The following DNAJC6 variants were observed in gnomAD, a reference collection of about 807,000 sequenced individuals.
DNAJC6 encodes the protein DnaJ heat shock protein family (Hsp40) member C6.
DNAJC6 carries 34 observed loss-of-function variants against 110.0 expected under a neutral mutation model. The ratio of observed to expected loss-of-function variants is 0.31; its 90% confidence interval spans 0.24 to 0.41. DNAJC6 has a LOEUF of 0.41. DNAJC6 is among the 10% of genes least tolerant of loss of function. DNAJC6 has a pLI of 1.00. For missense variants in DNAJC6, 1,031 were observed against 1,207.8 expected, an observed-to-expected ratio of 0.85 and a Z score of 2.17; for synonymous variants, 406 against 437.2, an observed-to-expected ratio of 0.93 and a Z score of 0.89.
intron 1 of DNAJC6, among the ~76,000 whole-genome samples, chr1:65,303,279 A>G (rs1171783241): frequency 6.6e-6 from 1 of 152,218 alleles, no homozygotes; most frequent in African/African-American, 2.4e-5. Context: ...TTCACCTGCC[A>G]GAGTTGCTCA....
intron 1 of DNAJC6, among the ~76,000 whole-genome samples, chr1:65,277,990 G>T (rs891820079): frequency 1.3e-5 from 2 of 152,104 alleles, no homozygotes; most frequent in African/African-American, 2.4e-5. Context: ...AGTAGGAAGT[G>T]GGGAACAAGG....
At chr1:65,294,660 A>AT in intron 1 of DNAJC6, among the ~76,000 whole-genome samples, 1 of 152,328 alleles carries the variant, frequency 6.6e-6, no homozygotes. Context: ...TATCTTATTG[A>AT]TTACATGTTG....
At chr1:65,302,728 G>T (rs1453241883) in intron 1 of DNAJC6, among the ~76,000 whole-genome samples, 2 of 150,590 alleles carry the variant, frequency 1.3e-5, no homozygotes, top group African/African-American at 2.4e-5. Flanking sequence ...GTAGAGACGG[G>T]GTTTCACCTT....
intron 1 of DNAJC6, among the ~76,000 whole-genome samples, chr1:65,270,608 T>G (rs574314702): frequency 6.6e-6 from 1 of 152,322 alleles, no homozygotes; most frequent in East Asian, 1.9e-4. Context: ...TATAAATCTC[T>G]AAAAGTGATG....
chr1:65,383,761 G>T (rs545922999), intron 5 of DNAJC6, among the ~76,000 whole-genome samples: 1 of 152,258 alleles, frequency 6.6e-6, no homozygotes, highest in South Asian at 2.1e-4. Context: ...ATCTGGTGAA[G>T]GTTCTTTATT....
chr1:65,393,874 G>T (rs1645952528), intron 12 of DNAJC6, among the ~76,000 whole-genome samples: 1 of 152,136 alleles, frequency 6.6e-6, no homozygotes, highest in Non-Finnish European at 1.5e-5. Context: ...ACTTGTGATA[G>T]TTCAGCTGGA....
At chr1:65,332,539 C>T (rs1038734150) in intron 1 of DNAJC6, among the ~76,000 whole-genome samples, 1 of 152,114 alleles carries the variant, frequency 6.6e-6, no homozygotes. Context: ...GCAATGACTC[C>T]CCTCCCCTGA....
intron 1 of DNAJC6, among the ~76,000 whole-genome samples, chr1:65,271,012 CA>C (rs1653487299): frequency 1.3e-5 from 2 of 152,266 alleles, no homozygotes; most frequent in Admixed American, 1.3e-4. Context: ...TATATTCTCT[CA>C]GCAGGACAAT....
At chr1:65,376,312 AT>A (rs1467358607) in intron 4 of DNAJC6, among the ~76,000 whole-genome samples, 5 of 144,012 alleles carry the variant, frequency 3.5e-5, no homozygotes, top group African/African-American at 1.0e-4. Context: ...AGGTTTATTG[AT>A]TTTGTATATT....
intron 1 of DNAJC6, among the ~76,000 whole-genome samples, chr1:65,352,623 G>A (rs754864596): frequency 6.6e-6 from 1 of 152,192 alleles, no homozygotes; most frequent in Non-Finnish European, 1.5e-5. Flanking sequence ...TGTGTGTGTT[G>A]TATGTAGCAC....
chr1:65,311,690 A>T (rs1645103480), intron 1 of DNAJC6, among the ~76,000 whole-genome samples: 1 of 152,214 alleles, frequency 6.6e-6, no homozygotes, highest in Non-Finnish European at 1.5e-5. Context: ...ACATGTAGTG[A>T]GCATGTAAAC....
intron 1 of DNAJC6, among the ~76,000 whole-genome samples, chr1:65,335,599 C>T (rs1361062510): frequency 2.6e-5 from 4 of 152,138 alleles, no homozygotes; most frequent in South Asian, 2.1e-4. Flanking sequence ...GGAGGGAAGC[C>T]GCGTGGCTCA....
chr1:65,303,135 A>AT (rs1645005114), intron 1 of DNAJC6, among the ~76,000 whole-genome samples: 1 of 152,122 alleles, frequency 6.6e-6, no homozygotes, highest in African/African-American at 2.4e-5. Context: ...AACCAGAGCG[A>AT]TTTTTTCTGT....
chr1:65,398,946 G>T, intron 14 of DNAJC6, 65 bp downstream of exon 14: 1 of 1,521,224 alleles, frequency 6.6e-7, no homozygotes, highest in South Asian at 1.1e-5. Context: ...TACCCAAGAT[G>T]AAGTGAGTAC....
At chr1:65,314,808 T>C (rs1645134591) in intron 1 of DNAJC6, among the ~76,000 whole-genome samples, 1 of 152,270 alleles carries the variant, frequency 6.6e-6, no homozygotes, top group Non-Finnish European at 1.5e-5. Flanking sequence ...ACTTATTTAA[T>C]GTGTGGTTAT....
At chr1:65,288,155 G>A (rs1654082699) in intron 1 of DNAJC6, among the ~76,000 whole-genome samples, 1 of 152,128 alleles carries the variant, frequency 6.6e-6, no homozygotes, top group Non-Finnish European at 1.5e-5. Flanking sequence ...GGATCTGGGG[G>A]TCTGTCTTAG....
In DNAJC6 at chr1:65,367,969, C is replaced by T. The variant is rs950262313; in HGVS notation, c.543+1773C>T. 9.4e-5 allele frequency among the ~76,000 whole-genome samples: 14 copies of T among 149,452 alleles called. No homozygotes were observed. The East Asian group carries it at 2.4e-3, about 25-fold the overall frequency. On this transcript the variant is annotated intron_variant, in intron 4 of 18. Coordinates refer to ENST00000371069, the MANE Select transcript of DNAJC6 (RefSeq NM_001256864.2). Reference sequence around the variant, plus strand: ...CATGAATGTGCTGCACCCATTAACTCGTCATTTAGCATTAGGTATATCTCC... The same window carrying T: ...CATGAATGTGCTGCACCCATTAACTTGTCATTTAGCATTAGGTATATCTCC...
chr1:65,357,770 GT>G (rs1360686806), intron 1 of DNAJC6, among the ~76,000 whole-genome samples: 2 of 152,214 alleles, frequency 1.3e-5, no homozygotes, highest in Admixed American at 1.3e-4. Flanking sequence ...GCTGTGAACT[GT>G]GATGAATCAC....
intron 15 of DNAJC6, among the ~76,000 whole-genome samples, chr1:65,404,507 C>T (rs1398032290): frequency 6.6e-6 from 1 of 152,146 alleles, no homozygotes; most frequent in East Asian, 1.9e-4. Context: ...TAGTACATGA[C>T]ACTTGGTAAT....
Sources: gnomAD v4.1 joint callset for allele counts (sites outside exome capture counted in the v4.1 genomes callset) on GRCh38, gnomAD v4.1.1 for gene constraint, MANE v1.5 for transcripts, NCBI Gene and HGNC (gene_info 2026-07-23, HGNC 2026-07-21) for gene names.